The following KLHL13 variants were observed in gnomAD, a reference collection of about 807,000 sequenced individuals.
KLHL13 encodes the protein kelch-like protein 13.
Under a neutral mutation model 37.1 loss-of-function variants are expected in KLHL13, and 10 were observed. The observed-to-expected ratio is 0.27, with a 90% CI of 0.17 to 0.46. The LOEUF (loss-of-function observed/expected upper bound fraction) is 0.46. Ranked by LOEUF, KLHL13 falls within the 20% of genes least tolerant of loss-of-function variation. The pLI is 1.00. For synonymous variants in KLHL13, 163 were observed against 181.2 expected (o/e 0.90, Z 0.81); for missense variants, 360 against 509.3 (o/e 0.71, Z 2.82).
chrX:117,925,006 G>A (rs1410661562), intron 2 of KLHL13, among the ~76,000 whole-genome samples: 1 of 111,082 alleles, frequency 9.0e-6, no homozygotes, highest in Non-Finnish European at 1.9e-5. Context: ...TAAATAGAGA[G>A]AGGTACATAT....
chrX:118,001,689 C>A (rs2053922232), intron 1 of KLHL13, among the ~76,000 whole-genome samples: 1 of 109,725 alleles, frequency 9.1e-6, no homozygotes, highest in African/African-American at 3.3e-5. Context: ...CATGATGAAA[C>A]CGTGTCTCTA....
chrX:117,971,872 C>T (rs1361379029), intron 1 of KLHL13, among the ~76,000 whole-genome samples: 3 of 111,575 alleles, frequency 2.7e-5, no homozygotes, highest in Non-Finnish European at 5.7e-5. Flanking sequence ...AAATTTAAAA[C>T]ATTCTTTTCA....
chrX:117,924,338 A>G (rs1003553974), intron 2 of KLHL13, among the ~76,000 whole-genome samples: 4 of 112,044 alleles, frequency 3.6e-5, no homozygotes, highest in Non-Finnish European at 7.5e-5. Flanking sequence ...GCATACATTA[A>G]AAGAAAAAGA....
chrX:117,980,779 C>T lies in KLHL13; in HGVS notation c.-55-35204G>A, dbSNP rs756225102. Among the ~76,000 whole-genome samples, 206 of 111,518 alleles carry T rather than the reference C, an allele frequency of 1.8e-3. 1 individual carries two copies. Among genetic ancestry groups the T allele is most frequent in the African/African-American group, 6.1e-3 (189 of 30,810 alleles). On this transcript the variant is annotated intron_variant, in intron 1 of 6. Transcript: ENST00000371882. Reference sequence around the variant, plus strand: ...ATATGCCCACAGAAACTACTGTCATCTAAAAATAAAAGGTTTTGACCAAAT... The same window carrying T: ...ATATGCCCACAGAAACTACTGTCATTTAAAAATAAAAGGTTTTGACCAAAT...
At position 118,028,531 on chromosome X, in the gene KLHL13, T is replaced by C. The variant is rs750908162; in HGVS notation, c.-55-82956A>G. On this transcript the variant is annotated intron_variant, in intron 1 of 6. Transcript: ENST00000371882. ...GAGGAAAAGAAGCCAATATTTACTATGAAGATTAACACTGGAATTTTCAAC... is the reference window on the plus strand; with the variant it reads ...GAGGAAAAGAAGCCAATATTTACTACGAAGATTAACACTGGAATTTTCAAC... The C allele has an allele frequency of 5.8e-5, 38 of 660,426 alleles. 1 individual carries two copies. In the Admixed American group the frequency reaches 6.2e-4, roughly 11 times the overall value. 54.4% of individuals were successfully genotyped at this position (660,426 alleles called of 1,213,427 possible). A position where few individuals can be genotyped will look rare whatever the true frequency, so the allele number is the denominator to read the frequency against.
intron 1 of KLHL13, among the ~76,000 whole-genome samples, chrX:117,954,421 GATGGATGGATAAAGGGATAC>G (rs1422306261): frequency 4.5e-5 from 5 of 111,783 alleles, no homozygotes; most frequent in African/African-American, 1.6e-4. Flanking sequence ...TGGATGGATG[GATGGATGGATAAAGGGATAC>G]ATGGATGGAT....
intron 1 of KLHL13, among the ~76,000 whole-genome samples, chrX:117,991,597 A>G (rs1300287706): frequency 9.0e-6 from 1 of 110,740 alleles, no homozygotes; most frequent in African/African-American, 3.3e-5. Flanking sequence ...TATCTATTCA[A>G]CCCTATTTCC....
At chrX:118,105,393 T>C (rs1159944945) in intron 1 of KLHL13, among the ~76,000 whole-genome samples, 1 of 112,726 alleles carries the variant, frequency 8.9e-6, no homozygotes, top group Non-Finnish European at 1.9e-5. Flanking sequence ...ACATATTAGG[T>C]GTGTAACCAC....
intron 1 of KLHL13, among the ~76,000 whole-genome samples, chrX:118,008,064 T>C (rs2054007419): frequency 9.0e-6 from 1 of 111,698 alleles, no homozygotes; most frequent in African/African-American, 3.3e-5. Context: ...TGGCTATATA[T>C]TTTTAGAAGC....
Position 118,028,707 on chromosome X carries a change from T to A in KLHL13, c.-55-83132A>T, listed in dbSNP as rs755212898. On this transcript the variant is annotated intron_variant, in intron 1 of 6. Coordinates refer to the KLHL13 transcript ENST00000371882. ...AAGTAAAAATATCTATGAAATTTAA[T>A]AGTGAATCACTAAATACTATTGACT... Among the ~76,000 whole-genome samples the A allele has an allele frequency of 3.6e-5, 4 of 112,370 alleles. No individual in the cohort carries two copies. In the East Asian group the frequency reaches 1.1e-3, roughly 31 times the overall value.
intron 1 of KLHL13, among the ~76,000 whole-genome samples, chrX:118,070,583 T>A (rs2054847593): frequency 9.0e-6 from 1 of 111,222 alleles, no homozygotes; most frequent in African/African-American, 3.3e-5. Context: ...AAATATTCTA[T>A]GTATACTCAA....
At chrX:118,111,904 A>G (rs6646096) in intron 1 of KLHL13, among the ~76,000 whole-genome samples, 1,947 of 112,001 alleles carry the variant, frequency 0.017, 45 homozygotes, top group African/African-American at 0.058. Context: ...CGTCTAAAAA[A>G]AAGAAAAAGA....
intron 1 of KLHL13, among the ~76,000 whole-genome samples, chrX:118,058,058 A>C (rs1219756360): frequency 2.7e-5 from 3 of 111,247 alleles, no homozygotes; most frequent in Non-Finnish European, 5.6e-5. Flanking sequence ...AAGTTATCCA[A>C]TGTCAAAATA....
chrX:117,980,534 T>G (rs1490151514), intron 1 of KLHL13, among the ~76,000 whole-genome samples: 10 of 111,718 alleles, frequency 9.0e-5, no homozygotes, highest in Non-Finnish European at 5.7e-5. Flanking sequence ...TTATCCAATC[T>G]CTTCCTCTTC....
At chrX:118,060,358 T>C (rs1201002070) in intron 1 of KLHL13, among the ~76,000 whole-genome samples, 2 of 111,165 alleles carry the variant, frequency 1.8e-5, no homozygotes, top group African/African-American at 6.5e-5. Flanking sequence ...ATAAAGGTAT[T>C]GAAAAAGCCC....
chrX:117,962,971 AAAT>A (rs1199218754), intron 1 of KLHL13, among the ~76,000 whole-genome samples: 3 of 112,418 alleles, frequency 2.7e-5, no homozygotes, highest in African/African-American at 9.7e-5. Flanking sequence ...AGAGGAAAAT[AAAT>A]TGTATTACAT....
chrX:118,067,185 T>C (rs1335093123), intron 1 of KLHL13, among the ~76,000 whole-genome samples: 3 of 112,215 alleles, frequency 2.7e-5, no homozygotes, highest in African/African-American at 6.5e-5. Context: ...CTGAATACTG[T>C]AGGCAACTGT....
chrX:117,914,166 CT>C (rs962730620), intron 4 of KLHL13: 1 of 106,983 alleles, frequency 9.3e-6, no homozygotes, highest in African/African-American at 3.4e-5. Context: ...AAATCTAGGA[CT>C]TTTTTTAAAA....
chrX:117,971,221 G>A (rs1363669464), intron 1 of KLHL13, among the ~76,000 whole-genome samples: 1 of 111,453 alleles, frequency 9.0e-6, no homozygotes, highest in Non-Finnish European at 1.9e-5. Context: ...AATATAGTAG[G>A]AATATTAGAA....
Sources: gnomAD v4.1 joint callset for allele counts (sites outside exome capture counted in the v4.1 genomes callset) on GRCh38, gnomAD v4.1.1 for gene constraint, MANE v1.5 for transcripts, NCBI Gene and HGNC (gene_info 2026-07-23, HGNC 2026-07-21) for gene names.